Variants in UGT8 observed in about 807,000 individuals in gnomAD.
UGT8 encodes UDP glycosyltransferase 8.
A neutral mutation model predicts 40.5 loss-of-function variants in UGT8; 12 were observed. The observed-to-expected ratio is 0.30, with a 90% CI of 0.19 to 0.48. The LOEUF (loss-of-function observed/expected upper bound fraction) is 0.48. Ranked by LOEUF, UGT8 falls within the 20% of genes least tolerant of loss-of-function variation. The pLI is 0.99. For missense variants in UGT8, 513 were observed against 648.7 expected (o/e 0.79, Z 2.27); for synonymous variants, 224 against 240.4 (o/e 0.93, Z 0.63).
At chr4:114,603,665 G>C (rs1302134089) in intron 1 of UGT8, among the ~76,000 whole-genome samples, 2 of 152,074 alleles carry the variant, frequency 1.3e-5, no homozygotes, top group Non-Finnish European at 2.9e-5. Flanking sequence ...CTCGAGCCCC[G>C]AATAGCTCTG....
chr4:114,651,054 T>C (rs887102066), intron 2 of UGT8, among the ~76,000 whole-genome samples: 3 of 152,126 alleles, frequency 2.0e-5, no homozygotes, highest in African/African-American at 4.8e-5. Context: ...TCTACTTTAC[T>C]TAACATTCCT....
chr4:114,631,679 G>A (rs1732586346), intron 2 of UGT8, among the ~76,000 whole-genome samples: 1 of 152,154 alleles, frequency 6.6e-6, no homozygotes, highest in Non-Finnish European at 1.5e-5. Context: ...TGCTGATACT[G>A]TTGGTCAGAT....
rs551737339 is a variant in UGT8, at chr4:114,636,185, A to G, written c.822+12483A>G. On this transcript the variant is annotated intron_variant, in intron 2 of 5. Transcript: ENST00000310836. ...TTTTAACAGAAATGTCAAATAATAC[A>G]TAGATACAAGCTTTATTCACATATT... Among the ~76,000 whole-genome samples the G allele has an allele frequency of 1.3e-3, 203 of 152,370 alleles. 2 individuals carry two copies. The highest frequency in any genetic ancestry group is 4.6e-3 in the African/African-American group (193 of 41,598).
At chr4:114,622,706 T>C in intron 1 of UGT8, 173 bp from the exon 2 acceptor site, 1 of 573,908 alleles carries the variant, frequency 1.7e-6, no homozygotes, top group Non-Finnish European at 3.0e-6. Context: ...GAGCATTTTT[T>C]CATGTGTTTT....
intron 1 of UGT8, among the ~76,000 whole-genome samples, chr4:114,618,098 A>G (rs549995698): frequency 2.1e-3 from 318 of 152,204 alleles, no homozygotes; most frequent in African/African-American, 7.1e-3. Flanking sequence ...GTTATGTTAC[A>G]AGTATTTTCT....
At chr4:114,621,202 C>T (rs1346695632) in intron 1 of UGT8, among the ~76,000 whole-genome samples, 1 of 152,116 alleles carries the variant, frequency 6.6e-6, no homozygotes, top group Non-Finnish European at 1.5e-5. Flanking sequence ...CATCCTCTGA[C>T]TTGACATTTG....
intron 5 of UGT8, among the ~76,000 whole-genome samples, chr4:114,673,543 CATATGAGTTA>C (rs1402766424): frequency 1.3e-5 from 2 of 152,096 alleles, no homozygotes; most frequent in Non-Finnish European, 2.9e-5. Flanking sequence ...ATTGGAGTTC[CATATGAGTTA>C]ATAATTTATT....
At chr4:114,665,336 T>G in intron 3 of UGT8, 2 of 978,154 alleles carry the variant, frequency 2.0e-6, no homozygotes, top group Non-Finnish European at 2.4e-6. Context: ...TTGTTCCAGC[T>G]TCTGGCTGTT....
At chr4:114,675,857 G>T in intron 5 of UGT8, 68 bp from the exon 6 acceptor site, 1 of 1,419,260 alleles carries the variant, frequency 7.0e-7, no homozygotes, top group Non-Finnish European at 9.3e-7. Flanking sequence ...CTTTTTAAAT[G>T]AAGATATGCA....
intron 2 of UGT8, among the ~76,000 whole-genome samples, chr4:114,639,192 A>G (rs573329169): frequency 1.3e-5 from 2 of 152,308 alleles, no homozygotes; most frequent in Admixed American, 1.3e-4. Context: ...GGAAATAAAG[A>G]ATAGCAGTCT....
rs35685088 is a variant in UGT8, at chr4:114,604,457, CT to C, written c.-3+5498del. 4.5e-3 allele frequency among the ~76,000 whole-genome samples: 599 copies of C among 132,936 alleles called. 3 individuals are homozygous for C. Among genetic ancestry groups the C allele is most frequent in the African/African-American group, 0.016 (576 of 35,204 alleles). The allele number at this position is 132,936 out of a possible 152,430, so 87.2% of individuals were successfully genotyped here. On this transcript the variant is annotated intron_variant, in intron 1 of 5. Transcript: ENST00000310836. ...GGACTGATTTGTAGAGGTTTGTTTG[CT>C]TTTTTTTTTTTTTTCCCCCAATTAA... is the stretch of plus-strand genomic sequence containing the variant.
intron 5 of UGT8, 152 bp downstream of exon 5, chr4:114,668,456 A>T: frequency 1.3e-6 from 1 of 741,788 alleles, no homozygotes; most frequent in East Asian, 2.7e-5. Context: ...GTTTTCTATT[A>T]TTTAGAAAAT....
intron 1 of UGT8, among the ~76,000 whole-genome samples, chr4:114,605,610 A>G (rs1268706172): frequency 6.6e-6 from 1 of 152,174 alleles, no homozygotes; most frequent in Non-Finnish European, 1.5e-5. Context: ...TTATTACATT[A>G]AGCTATAACT....
intron 2 of UGT8, among the ~76,000 whole-genome samples, chr4:114,637,759 A>G (rs1415876978): frequency 1.3e-5 from 2 of 152,174 alleles, no homozygotes; most frequent in East Asian, 3.9e-4. Flanking sequence ...CAGCTTGGTT[A>G]TTTTATTTCC....
intron 2 of UGT8, among the ~76,000 whole-genome samples, chr4:114,652,969 T>A (rs186950476): frequency 6.6e-6 from 1 of 152,206 alleles, no homozygotes; most frequent in East Asian, 1.9e-4. Context: ...TGGCTCTACA[T>A]GTTTCTGCCC....
intron 5 of UGT8, among the ~76,000 whole-genome samples, chr4:114,670,705 A>G (rs796424101): frequency 2.6e-5 from 4 of 152,286 alleles, no homozygotes; most frequent in African/African-American, 9.6e-5. Context: ...TACAGCCAGT[A>G]TCATACTGAA....
At chr4:114,600,509 C>A (rs1300152565) in intron 1 of UGT8, among the ~76,000 whole-genome samples, 1 of 151,976 alleles carries the variant, frequency 6.6e-6, no homozygotes, top group Admixed American at 6.5e-5. Context: ...TTTTTCTTTT[C>A]TTTTTTAAAA....
At position 114,623,240 on chromosome 4, in the gene UGT8, C is replaced by A; in HGVS notation, c.360C>A (p.Asn120Lys). Residue 120 changes from asparagine to lysine, a missense_variant, in exon 2 of 6, where the codon AAC becomes AAA. Asn to Lys is a moderately conservative substitution (Grantham distance 94, BLOSUM62 0). Around this residue, in one of 3 missense-constraint regions of UGT8, gnomAD observed 335 missense variants for 444.8 expected, o/e 0.75. Transcript: ENST00000310836. ...YTKNCDLMVG[N>K]HALIQGLKKE... ...AGAACTGTGACCTGATGGTTGGCAA[C>A]CATGCCCTGATCCAGGGTCTGAAGA... 1 of 1,614,164 alleles carries A rather than the reference C, an allele frequency of 6.2e-7. No individual in the cohort carries two copies. The highest frequency in any genetic ancestry group is 8.5e-7 in the Non-Finnish European group (1 of 1,180,032).
intron 2 of UGT8, among the ~76,000 whole-genome samples, chr4:114,654,372 A>C (rs915776112): frequency 1.3e-5 from 2 of 152,046 alleles, no homozygotes; most frequent in African/African-American, 4.8e-5. Flanking sequence ...AAGAAACCAA[A>C]TGAAGATGCA....
Sources: allele counts gnomAD v4.1 joint callset (sites outside exome capture counted in the v4.1 genomes callset), GRCh38; gene constraint gnomAD v4.1.1; regional missense constraint gnomAD v4.1.1; transcripts MANE v1.5; gene names NCBI Gene and HGNC (gene_info 2026-07-23, HGNC 2026-07-21).